PDZK1: variants seen among roughly 807,000 people sequenced by gnomAD.
PDZK1 encodes the protein Na(+)/H(+) exchange regulatory cofactor NHE-RF3.
Under a neutral mutation model 38.1 loss-of-function variants are expected in PDZK1, and 23 were observed. That is an observed-to-expected ratio of 0.60 (90% CI 0.43 to 0.85). The LOEUF is 0.85. PDZK1 is among the 40% of genes least tolerant of loss of function. PDZK1 has a pLI of 0.00. For synonymous variants in PDZK1, 98 were observed against 186.2 expected (o/e 0.53, Z 3.86); for missense variants, 297 against 504.3 (o/e 0.59, Z 3.94).
intron 1 of PDZK1, among the ~76,000 whole-genome samples, chr1:145,688,854 G>T (rs1655018957): frequency 6.6e-6 from 1 of 152,102 alleles, no homozygotes; most frequent in Non-Finnish European, 1.5e-5. Context: ...AGCTATTCGG[G>T]AGGCTGAGGC....
chr1:145,703,106 C>A (rs1656059138), intron 1 of PDZK1, among the ~76,000 whole-genome samples: 2 of 152,188 alleles, frequency 1.3e-5, no homozygotes, highest in African/African-American at 4.8e-5. Flanking sequence ...CTACCATTTT[C>A]AAGGCTCAGT....
intron 2 of PDZK1, among the ~76,000 whole-genome samples, chr1:145,687,149 T>G (rs1397764188): frequency 2.6e-5 from 4 of 152,116 alleles, no homozygotes; most frequent in Non-Finnish European, 4.4e-5. Context: ...CTAAGATATC[T>G]GTACTTAGCT....
chr1:145,694,895 C>CAAAA (rs10657290), intron 1 of PDZK1, among the ~76,000 whole-genome samples: 14 of 39,792 alleles, frequency 3.5e-4, no homozygotes, highest in African/African-American at 8.6e-4. Flanking sequence ...GACTCTGTCT[C>CAAAA]AAAAAAAAAA....
intron 1 of PDZK1, among the ~76,000 whole-genome samples, chr1:145,692,085 G>T (rs1434676112): frequency 1.3e-5 from 2 of 152,150 alleles, no homozygotes; most frequent in Non-Finnish European, 2.9e-5. Flanking sequence ...CCGTGGTCAA[G>T]AAGAAACATT....
chr1:145,672,731 C>T lies in PDZK1; in HGVS notation c.1505G>A (p.Arg502Gln), dbSNP rs1237097888. Reference sequence around the variant, plus strand: ...GAAAAGAAATAGGCCCCCACTCACCCGTTCTTTTGCCATGTGCGAGTCATG... The same window carrying T: ...GAAAAGAAATAGGCCCCCACTCACCTGTTCTTTTGCCATGTGCGAGTCATG... Reference protein sequence around the residue: ...SNHDSHMAKERAHSTASHSSS... With the variant: ...SNHDSHMAKEQAHSTASHSSS... Residue 502 changes from arginine (R) to glutamine (Q), a missense_variant and splice_region_variant, in exon 8 of 9, where the codon CGG (arginine) becomes CAG (glutamine). Coordinates refer to ENST00000417171, the MANE Select transcript of PDZK1 (RefSeq NM_001201325.2). The T allele has an allele frequency of 2.7e-5, 44 of 1,611,748 alleles. 2 individuals carry two copies. In the Admixed American group the frequency reaches 6.2e-4, roughly 23 times the overall value.
chr1:145,706,158 T>C (rs1553705694), intron 1 of PDZK1, among the ~76,000 whole-genome samples: 2 of 152,178 alleles, frequency 1.3e-5, no homozygotes. Flanking sequence ...GCTAAGTAGT[T>C]TGTCTAATGG....
At chr1:145,696,931 A>G (rs782733836) in intron 1 of PDZK1, among the ~76,000 whole-genome samples, 4 of 152,220 alleles carry the variant, frequency 2.6e-5, no homozygotes, top group Non-Finnish European at 5.9e-5. Flanking sequence ...GTTTGGGACC[A>G]TCTGCACAGC....
Position 145,687,855 on chromosome 1 carries a change from A to T in PDZK1, c.167T>A (p.Leu56His). 1 of 1,614,080 alleles carries T rather than the reference A, an allele frequency of 6.2e-7. No homozygotes were observed. The highest frequency in any genetic ancestry group is 8.5e-7 in the Non-Finnish European group (1 of 1,179,978). Residue 56 changes from leucine to histidine, a missense_variant, in exon 2 of 9, where the codon CTT becomes CAT. Leu to His is a moderately conservative substitution (Grantham distance 99). Transcript: ENST00000417171. ...KAGLQDGDRV[L>H]RINGVFVDKE... ...GTCCACAAAGACACCATTGATCCTA[A>T]GAACTCTGTCTCCATCTTGAAGGCC...
Position 145,682,766 on chromosome 1 carries a change from C to T in PDZK1, c.461-130G>A, listed in dbSNP as rs1463465136. 4.9e-6 allele frequency: 6 copies of T among 1,229,450 alleles called. No homozygotes were observed. The African/African-American group carries it at 6.0e-5, about 12-fold the overall frequency. The allele number at this position is 1,229,450 out of a possible 1,614,324, so 76.2% of individuals were successfully genotyped here. ...TCCCGATTTCTACTTCATTTACTGT[C>T]CCTAGTCTAAGAACATGTCAACCTT... On this transcript the variant is annotated intron_variant, in intron 3 of 8. Transcript: ENST00000417171.
At chr1:145,700,202 A>T (rs1553704779) in intron 1 of PDZK1, among the ~76,000 whole-genome samples, 1 of 152,220 alleles carries the variant, frequency 6.6e-6, no homozygotes, top group Non-Finnish European at 1.5e-5. Flanking sequence ...AGCTGCTGAA[A>T]AGTCAGGGCT....
chr1:145,680,659 A>G (rs1422382268), intron 5 of PDZK1, among the ~76,000 whole-genome samples: 1 of 77,736 alleles, frequency 1.3e-5, no homozygotes, highest in African/African-American at 4.8e-5. Context: ...ATTTCCCCCC[A>G]CCCCCGCCCC....
rs1654805779 is a variant in PDZK1, at chr1:145,686,711, T to G, written c.226A>C (p.Arg76=). The change falls in exon 3 of 9, where the codon AGA becomes CGA. Residue 76 remains arginine, a synonymous_variant. Coordinates refer to ENST00000417171, the MANE Select transcript of PDZK1 (RefSeq NM_001201325.2). The stretch of plus-strand genomic sequence containing the variant: ...AAAGTCACTGAATTCCCACTCTTTC[T>G]GACCAGATCCACAACCTAGGAGGGA... The part of the protein sequence containing the change: ...EEHMQVVDLV[R]KSGNSVTLLV... The G allele has an allele frequency of 6.5e-7, 1 of 1,530,204 alleles. No homozygotes were observed. Among genetic ancestry groups the G allele is most frequent in the East Asian group, 2.3e-5 (1 of 44,252 alleles). The allele number at this position is 1,530,204 out of a possible 1,614,324, so 94.8% of individuals were successfully genotyped here.
Position 145,687,959 on chromosome 1 carries a change from G to A in PDZK1, c.63C>T (p.Gly21=), listed in dbSNP as rs782026469. The change falls in exon 2 of 9, where the codon GGC becomes GGT. Residue 21 remains glycine, a synonymous_variant. Coordinates refer to ENST00000417171, the MANE Select transcript of PDZK1 (RefSeq NM_001201325.2). ...KLSKQEGQNY[G]FFLRIEKDTE... ...TGTCCTTCTCAATTCGCAGGAAGAA[G>A]CCATAGTTTTGCCCTTCTTGCTTGG... The A allele has an allele frequency of 7.4e-6, 12 of 1,612,516 alleles. No homozygotes were observed. Among genetic ancestry groups the A allele is most frequent in the Non-Finnish European group, 9.3e-6 (11 of 1,179,608 alleles).
chr1:145,692,641 G>C (rs1246905982), intron 1 of PDZK1, among the ~76,000 whole-genome samples: 1 of 151,790 alleles, frequency 6.6e-6, no homozygotes, highest in Admixed American at 6.6e-5. Context: ...GACCTGGGGG[G>C]CAGAGGTTGC....
intron 1 of PDZK1, among the ~76,000 whole-genome samples, chr1:145,700,452 G>GAGAA (rs1199952299): frequency 1.3e-5 from 2 of 152,148 alleles, no homozygotes; most frequent in African/African-American, 2.4e-5. Context: ...GACAGCAGTG[G>GAGAA]AGAAGATGGA....
intron 6 of PDZK1, among the ~76,000 whole-genome samples, chr1:145,677,910 T>TAAAAAAA (rs71077285): frequency 1.4e-3 from 95 of 68,574 alleles, no homozygotes; most frequent in East Asian, 0.01. Context: ...GTGTTAAAAG[T>TAAAAAAA]AAAAAAAAAA....
At chr1:145,690,504 T>C (rs1200484985) in intron 1 of PDZK1, among the ~76,000 whole-genome samples, 2 of 152,178 alleles carry the variant, frequency 1.3e-5, no homozygotes, top group Non-Finnish European at 2.9e-5. Context: ...CTCTTAAAGT[T>C]GGGAGTAATT....
chr1:145,671,365 T>TGAGA lies in PDZK1; in HGVS notation c.*67_*70dup. Reference sequence around the variant, plus strand: ...AGTAAACAGGTCACAACTCATTCCTTGAGAAAGGATTCCTATTAAATACCC... The same window carrying TGAGA: ...AGTAAACAGGTCACAACTCATTCCTTGAGAGAGAAAGGATTCCTATTAAATACCC... On this transcript the variant is annotated 3_prime_UTR_variant, in exon 9 of 9. Transcript: ENST00000417171. The TGAGA allele has an allele frequency of 6.2e-7, 1 of 1,606,128 alleles. No individual in the cohort carries two copies. Among genetic ancestry groups the TGAGA allele is most frequent in the South Asian group, 1.1e-5 (1 of 90,590 alleles).
chr1:145,693,659 A>C (rs1166647390), intron 1 of PDZK1, among the ~76,000 whole-genome samples: 5 of 151,948 alleles, frequency 3.3e-5, no homozygotes, highest in Admixed American at 2.6e-4. Flanking sequence ...CTGTGGTCCC[A>C]GCTACTCGGG....
Sources: gnomAD v4.1 joint callset for allele counts (sites outside exome capture counted in the v4.1 genomes callset) on GRCh38, gnomAD v4.1.1 for gene constraint, MANE v1.5 for transcripts, NCBI Gene and HGNC (gene_info 2026-07-23, HGNC 2026-07-21) for gene names.